Variants in UNC13B observed in about 807,000 individuals in gnomAD.
UNC13B encodes the protein unc-13 homolog B, also known as protein unc-13 homolog B.
Under a neutral mutation model 211.0 loss-of-function variants are expected in UNC13B, and 144 were observed. The ratio of observed to expected loss-of-function variants is 0.68; its 90% CI spans 0.60 to 0.78. The LOEUF (loss-of-function observed/expected upper bound fraction) is 0.78. Among genes scored for constraint, UNC13B ranks in the 30% least tolerant of loss-of-function variants. UNC13B has a pLI of 0.00. For missense variants in UNC13B, 1,777 were observed against 2,002.0 expected (o/e 0.89, Z 2.14); for synonymous variants, 709 against 725.8 (o/e 0.98, Z 0.37).
intron 24 of UNC13B, among the ~76,000 whole-genome samples, chr9:35,386,519 T>C (rs532798499): frequency 6.6e-6 from 1 of 152,280 alleles, no homozygotes; most frequent in South Asian, 2.1e-4. Flanking sequence ...GCAACAATAA[T>C]GATGTTGAAG....
intron 11 of UNC13B, among the ~76,000 whole-genome samples, chr9:35,337,576 T>G (rs1311455484): frequency 6.6e-6 from 1 of 152,254 alleles, no homozygotes; most frequent in Non-Finnish European, 1.5e-5. Flanking sequence ...CAGTGAAGGA[T>G]ACGCCTTCAT....
In UNC13B at chr9:35,223,664, G is replaced by A. The variant is rs182263045; in HGVS notation, c.23-4351G>A. ...TTGATTGTTACTTTTGCGGTGCAAA[G>A]GCTTTTTAGTTTTATAGGGTCCCAT... is the stretch of plus-strand genomic sequence containing the variant. On this transcript the variant is annotated intron_variant, in intron 1 of 39. Coordinates refer to ENST00000635942, the MANE Select transcript of UNC13B (RefSeq NM_001371189.2). 1.7e-3 allele frequency among the ~76,000 whole-genome samples: 262 copies of A among 152,048 alleles called. 1 individual carries two copies. Among genetic ancestry groups the A allele is most frequent in the South Asian group, 3.5e-3 (17 of 4,818 alleles).
chr9:35,244,612 C>T (rs1825983241), intron 6 of UNC13B, among the ~76,000 whole-genome samples: 1 of 152,112 alleles, frequency 6.6e-6, no homozygotes, highest in Admixed American at 6.6e-5. Flanking sequence ...ATGTATCATT[C>T]TAATCTCTGC....
At chr9:35,351,477 C>T (rs1832716014) in intron 11 of UNC13B, 24 of 1,231,712 alleles carry the variant, frequency 1.9e-5, no homozygotes, top group Non-Finnish European at 2.4e-5. Context: ...AGCATCCTGA[C>T]CAGAAATAAG....
chr9:35,315,334 A>G (rs1005617427), intron 11 of UNC13B, among the ~76,000 whole-genome samples: 9 of 152,198 alleles, frequency 5.9e-5, no homozygotes, highest in East Asian at 5.8e-4. Context: ...TAAAAGCACA[A>G]TCATGCTCAC....
intron 11 of UNC13B, among the ~76,000 whole-genome samples, chr9:35,362,821 C>A (rs569342835): frequency 6.9e-6 from 1 of 144,912 alleles, no homozygotes; most frequent in South Asian, 2.3e-4. Flanking sequence ...AAAAAAAAAT[C>A]TGCATCTATT....
intron 11 of UNC13B, among the ~76,000 whole-genome samples, chr9:35,323,781 T>G (rs944599707): frequency 1.3e-5 from 2 of 152,192 alleles, no homozygotes; most frequent in African/African-American, 2.4e-5. Context: ...TTTCTCTGGC[T>G]TCCTCTGCCA....
At chr9:35,274,302 G>A (rs1314078731) in intron 7 of UNC13B, among the ~76,000 whole-genome samples, 2 of 151,980 alleles carry the variant, frequency 1.3e-5, no homozygotes, top group Non-Finnish European at 2.9e-5. Flanking sequence ...TCAAACTCCT[G>A]GCCTCAAGCT....
At chr9:35,277,777 A>G (rs1042913199) in intron 7 of UNC13B, among the ~76,000 whole-genome samples, 2 of 152,120 alleles carry the variant, frequency 1.3e-5, no homozygotes, top group Admixed American at 6.5e-5. Context: ...AGCAACTTGA[A>G]TATGTAATTT....
chr9:35,256,107 G>T (rs1278491166), intron 6 of UNC13B, among the ~76,000 whole-genome samples: 2 of 152,120 alleles, frequency 1.3e-5, no homozygotes, highest in African/African-American at 2.4e-5. Flanking sequence ...TACAGTTAAT[G>T]AACTAATATT....
At chr9:35,397,782 T>A in intron 30 of UNC13B, 70 bp downstream of exon 30, 1 of 1,545,978 alleles carries the variant, frequency 6.5e-7, no homozygotes, top group Non-Finnish European at 8.9e-7. Context: ...TTTGAAGCTG[T>A]CCTCAGAATT....
chr9:35,402,427 G>A (rs1444718929), intron 37 of UNC13B, among the ~76,000 whole-genome samples: 10 of 151,754 alleles, frequency 6.6e-5, no homozygotes, highest in Admixed American at 1.3e-4. Context: ...GACTACAGGC[G>A]CCTGCCACCA....
chr9:35,294,203 T>C (rs751723218), intron 7 of UNC13B, among the ~76,000 whole-genome samples: 4 of 152,236 alleles, frequency 2.6e-5, no homozygotes, highest in Non-Finnish European at 5.9e-5. Flanking sequence ...AACTCTTTTC[T>C]GTTTCCGCTG....
chr9:35,253,154 T>A lies in UNC13B; in HGVS notation c.469-5839T>A, dbSNP rs370004178. Among the ~76,000 whole-genome samples, 115 of 152,278 alleles carry A rather than the reference T, an allele frequency of 7.6e-4. 1 individual carries two copies. In the South Asian group the frequency reaches 0.019, roughly 25 times the overall value. ...TATTTCAGCCCATTGCAATCATTCT[T>A]TTTTGGAGACAGGGTCTTGCTCTGT... On this transcript the variant is annotated intron_variant, in intron 6 of 39. Coordinates refer to ENST00000635942, the MANE Select transcript of UNC13B (RefSeq NM_001371189.2).
chr9:35,396,806 A>G, intron 27 of UNC13B, 35 bp from the exon 28 acceptor site: 1 of 1,613,082 alleles, frequency 6.2e-7, no homozygotes, highest in South Asian at 1.1e-5. Flanking sequence ...TCCCACCGCT[A>G]GTTCTAAGCC....
chr9:35,310,669 C>G lies in UNC13B; in HGVS notation c.9211C>G (p.Gln3071Glu), dbSNP rs372755412. ...AGAGAAACCCTTGGAGGTGACAGGTCAAGCAGAGAAGGAGGCAGCATGTGA... is the reference window on the plus strand; with the variant it reads ...AGAGAAACCCTTGGAGGTGACAGGTGAAGCAGAGAAGGAGGCAGCATGTGA... ...EQEKPLEVTG[Q>E]AEKEAACEPK... The change falls in exon 10 of 40, where the codon CAA becomes GAA. Residue 3071 changes from glutamine to glutamate, a missense_variant. Coordinates refer to ENST00000635942, the MANE Select transcript of UNC13B (RefSeq NM_001371189.2). 114 of 1,613,720 alleles carry G rather than the reference C, an allele frequency of 7.1e-5. No individual in the cohort carries two copies. Among genetic ancestry groups the G allele is most frequent in the Middle Eastern group, 4.9e-4 (3 of 6,084 alleles).
intron 1 of UNC13B, among the ~76,000 whole-genome samples, chr9:35,169,615 T>C (rs918493133): frequency 4.6e-5 from 7 of 152,200 alleles, no homozygotes; most frequent in African/African-American, 1.7e-4. Flanking sequence ...ATCGTGGTTC[T>C]AGTAGTCCCT....
intron 7 of UNC13B, among the ~76,000 whole-genome samples, chr9:35,293,639 C>T (rs1167304711): frequency 6.6e-6 from 1 of 152,064 alleles, no homozygotes; most frequent in Non-Finnish European, 1.5e-5. Context: ...GTCTCTGGGT[C>T]CTATTTTTCT....
chr9:35,313,877 T>A (rs770102574), intron 10 of UNC13B, 22 bp from the exon 11 acceptor site: 1 of 1,593,226 alleles, frequency 6.3e-7, no homozygotes, highest in East Asian at 2.2e-5. Flanking sequence ...TTTTAAGAAA[T>A]GTACTTTTTC....
Sources: gnomAD v4.1 joint callset for allele counts (sites outside exome capture counted in the v4.1 genomes callset) on GRCh38, gnomAD v4.1.1 for gene constraint, MANE v1.5 for transcripts, NCBI Gene and HGNC (gene_info 2026-07-23, HGNC 2026-07-21) for gene names.